NXPE2: variants seen among roughly 807,000 people sequenced by gnomAD.
The protein encoded by NXPE2 is NXPE family member 2.
A neutral mutation model predicts 34.4 loss-of-function variants in NXPE2; 34 were observed. That is an observed-to-expected ratio of 0.99 (90% CI 0.75 to 1.31). NXPE2 has a LOEUF of 1.31. Among genes scored for constraint, NXPE2 ranks in the 40% most tolerant of loss-of-function variants. The pLI is 0.00. For missense variants in NXPE2, 649 were observed against 672.5 expected, an observed-to-expected ratio of 0.97 and a Z score of 0.39; for synonymous variants, 235 against 231.3, an observed-to-expected ratio of 1.02 and a Z score of -0.15.
chr11:114,514,017 T>G, the NXPE2 span, among the ~76,000 whole-genome samples: 1 of 152,262 alleles, frequency 6.6e-6, no homozygotes, highest in Non-Finnish European at 1.5e-5. Context: ...TAATCACTCT[T>G]ATCCTCCTTA....
the NXPE2 span, chr11:114,553,814 C>T: frequency 2.1e-6 from 2 of 971,026 alleles, no homozygotes; most frequent in Admixed American, 6.2e-5. Flanking sequence ...CCTATTCATG[C>T]ACATTTCTTT....
the NXPE2 span, among the ~76,000 whole-genome samples, chr11:114,793,838 T>C: frequency 6.6e-6 from 1 of 152,190 alleles, no homozygotes; most frequent in Non-Finnish European, 1.5e-5. Flanking sequence ...CAGCCTTTCA[T>C]ATATCTCACC....
chr11:114,708,046 T>C (rs1455733228), downstream of NXPE2, among the ~76,000 whole-genome samples: 1 of 152,156 alleles, frequency 6.6e-6, no homozygotes, highest in East Asian at 1.9e-4. Context: ...AGCATGATGA[T>C]TGAATAGCAA....
the NXPE2 span, among the ~76,000 whole-genome samples, chr11:114,595,071 C>A: frequency 6.6e-6 from 1 of 152,146 alleles, no homozygotes; most frequent in African/African-American, 2.4e-5. Flanking sequence ...GATGAAGTCT[C>A]CAGACTATTT....
chr11:114,761,659 C>T, the NXPE2 span, among the ~76,000 whole-genome samples: 4 of 150,662 alleles, frequency 2.7e-5, no homozygotes, highest in Non-Finnish European at 5.9e-5. Flanking sequence ...CTACAAGCTC[C>T]GCCTCCCGGG....
the NXPE2 span, among the ~76,000 whole-genome samples, chr11:114,503,414 G>A: frequency 4.0e-4 from 61 of 152,166 alleles, no homozygotes; most frequent in African/African-American, 1.2e-3. Flanking sequence ...AATAAAATGC[G>A]TATTAGTAAT....
At chr11:114,669,315 A>C in the NXPE2 span, among the ~76,000 whole-genome samples, 2 of 152,122 alleles carry the variant, frequency 1.3e-5, no homozygotes, top group Admixed American at 1.3e-4. Flanking sequence ...TTGAGCCACA[A>C]AATCCTTCCA....
At chr11:114,809,463 A>C in the NXPE2 span, among the ~76,000 whole-genome samples, 2 of 141,246 alleles carry the variant, frequency 1.4e-5, no homozygotes, top group Non-Finnish European at 3.1e-5. Flanking sequence ...TCAGCCCAAA[A>C]TCTCCTCAAG....
chr11:114,689,771 G>C (rs1030886873), intron 2 of NXPE2, among the ~76,000 whole-genome samples: 7 of 152,034 alleles, frequency 4.6e-5, no homozygotes, highest in African/African-American at 1.7e-4. Flanking sequence ...AAACCTTGGT[G>C]CTCCAATGGT....
At chr11:114,623,039 G>A in the NXPE2 span, among the ~76,000 whole-genome samples, 10 of 151,994 alleles carry the variant, frequency 6.6e-5, no homozygotes, top group African/African-American at 2.4e-4. Flanking sequence ...CCTGTTACCC[G>A]GTGGATAATA....
intron 2 of NXPE2, among the ~76,000 whole-genome samples, chr11:114,686,652 T>C (rs1418456478): frequency 6.6e-6 from 1 of 152,184 alleles, no homozygotes; most frequent in Non-Finnish European, 1.5e-5. Flanking sequence ...GATTGCTGGG[T>C]TGAATGGCAA....
At chr11:114,530,370 G>A in the NXPE2 span, 2 of 1,614,164 alleles carry the variant, frequency 1.2e-6, no homozygotes, top group East Asian at 2.2e-5. Flanking sequence ...GACATGAGAG[G>A]TGCCATTAAC....
the NXPE2 span, chr11:114,522,221 A>T: frequency 8.0e-5 from 129 of 1,613,992 alleles, no homozygotes; most frequent in Non-Finnish European, 1.1e-4. Context: ...TCTTAGGAAC[A>T]GTCTTTCAAT....
chr11:114,687,329 A>G (rs1469719490), intron 2 of NXPE2, among the ~76,000 whole-genome samples: 1 of 152,044 alleles, frequency 6.6e-6, no homozygotes, highest in African/African-American at 2.4e-5. Context: ...TCTTCTGCAT[A>G]TGGTTAACCA....
chr11:114,633,054 T>C, the NXPE2 span, among the ~76,000 whole-genome samples: 2 of 115,834 alleles, frequency 1.7e-5, no homozygotes, highest in Non-Finnish European at 3.2e-5. Context: ...ATTGCATTAT[T>C]ATTTTATATT....
the NXPE2 span, among the ~76,000 whole-genome samples, chr11:114,577,604 G>A: frequency 6.6e-6 from 1 of 152,102 alleles, no homozygotes; most frequent in Admixed American, 6.6e-5. Context: ...TTACGTGCAC[G>A]CCACCTTATA....
chr11:114,534,188 C>A, the NXPE2 span, among the ~76,000 whole-genome samples: 1 of 152,174 alleles, frequency 6.6e-6, no homozygotes, highest in Non-Finnish European at 1.5e-5. Flanking sequence ...CTGGAGTGGA[C>A]CTCCAGTAAA....
At chr11:114,809,455 A>T in the NXPE2 span, among the ~76,000 whole-genome samples, 2 of 145,112 alleles carry the variant, frequency 1.4e-5, no homozygotes, top group Non-Finnish European at 3.0e-5. Context: ...CCATTGTCTC[A>T]GCCCAAAATC....
chr11:114,782,067 T>A, the NXPE2 span, among the ~76,000 whole-genome samples: 4 of 152,344 alleles, frequency 2.6e-5, no homozygotes, highest in Middle Eastern at 6.8e-3. Context: ...CTTTAAATCA[T>A]CTCTAGATTA....
Sources: allele counts gnomAD v4.1 joint callset (sites outside exome capture counted in the v4.1 genomes callset), GRCh38; gene constraint gnomAD v4.1.1; transcripts MANE v1.5; gene names NCBI Gene and HGNC (gene_info 2026-07-23, HGNC 2026-07-21).